INSR: variants seen among roughly 807,000 people sequenced by gnomAD.
INSR encodes the protein IR.
Under a neutral mutation model 142.6 loss-of-function variants are expected in INSR, and 67 were observed. The observed-to-expected ratio is 0.47, with a 90% CI of 0.39 to 0.58. The LOEUF is 0.58. INSR is among the 20% of genes least tolerant of loss of function. The pLI is 0.00. For missense variants in INSR, 1,248 were observed against 1,833.2 expected (o/e 0.68, Z 5.83); for synonymous variants, 756 against 743.1 (o/e 1.02, Z -0.28).
intron 2 of INSR, among the ~76,000 whole-genome samples, chr19:7,206,844 T>C (rs1975118011): frequency 6.6e-6 from 1 of 152,046 alleles, no homozygotes; most frequent in Admixed American, 6.6e-5. Context: ...AGCCCAAATA[T>C]CACGTTGTCA....
chr19:7,249,492 G>A (rs1038493174), intron 2 of INSR, among the ~76,000 whole-genome samples: 11 of 152,124 alleles, frequency 7.2e-5, no homozygotes, highest in African/African-American at 1.4e-4. Context: ...CCGCAGAACC[G>A]AATTCCCAGA....
chr19:7,279,144 T>A (rs180973536), intron 1 of INSR, among the ~76,000 whole-genome samples: 41 of 150,212 alleles, frequency 2.7e-4, no homozygotes, highest in East Asian at 2.6e-3. Context: ...AGAAAAGAAA[T>A]AAAATAAAAT....
Position 7,157,601 on chromosome 19 carries a change from C to T in INSR, c.2030-4674G>A, listed in dbSNP as rs1973630144. On this transcript the variant is annotated intron_variant, in intron 9 of 21. Coordinates refer to ENST00000302850, the MANE Select transcript of INSR (RefSeq NM_000208.4). ...TACCGCAGCTGGTCATGTCTTAAGC[C>T]CCGAAGTCAAATCCCAGGGTTCTTG... Among the ~76,000 whole-genome samples the T allele has an allele frequency of 1.3e-5, 2 of 151,914 alleles. 1 individual carries two copies. Among genetic ancestry groups the T allele is most frequent in the South Asian group, 4.2e-4 (2 of 4,818 alleles).
chr19:7,153,464 CA>C (rs1428229191), intron 9 of INSR, among the ~76,000 whole-genome samples: 5 of 21,118 alleles, frequency 2.4e-4, no homozygotes, highest in African/African-American at 3.4e-4. Flanking sequence ...CCACGCCACA[CA>C]CCACACACAC....
At chr19:7,167,183 A>G (rs1973907858) in intron 7 of INSR, among the ~76,000 whole-genome samples, 1 of 152,214 alleles carries the variant, frequency 6.6e-6, no homozygotes, top group Non-Finnish European at 1.5e-5. Flanking sequence ...CTGTAATAAT[A>G]GTAATAGCAG....
chr19:7,166,521 T>C lies in INSR; in HGVS notation c.1611-117A>G. 8.9e-7 allele frequency: 1 copy of C among 1,124,650 alleles called. No individual in the cohort carries two copies. The highest frequency in any genetic ancestry group is 1.3e-6 in the Non-Finnish European group (1 of 769,846). The allele number at this position is 1,124,650 out of a possible 1,614,324, so 69.7% of individuals were successfully genotyped here. ...GGGTCACATGTTACTCACCCAACAA[T>C]CTAATGCCACAAGAAAAAATAACTC... On this transcript the variant is annotated intron_variant, in intron 7 of 21. Transcript: ENST00000302850. This position sits in a 1 kb window ranked among gnomAD's most constrained non-coding sequence, Gnocchi z 4.1.
At chr19:7,147,094 C>T (rs1276802548) in intron 11 of INSR, among the ~76,000 whole-genome samples, 2 of 152,132 alleles carry the variant, frequency 1.3e-5, no homozygotes, top group Non-Finnish European at 2.9e-5. Flanking sequence ...GTGATATTCA[C>T]ATTTTCATTA....
chr19:7,231,417 C>T (rs968867767), intron 2 of INSR, among the ~76,000 whole-genome samples: 7 of 151,368 alleles, frequency 4.6e-5, no homozygotes, highest in African/African-American at 1.7e-4. Flanking sequence ...TGTCCTGCCT[C>T]AGCCTCCTGA....
intron 2 of INSR, among the ~76,000 whole-genome samples, chr19:7,197,540 T>TGTGTCAGGTTCCAGAGTGGGA (rs1974793497): frequency 7.2e-6 from 1 of 138,548 alleles, no homozygotes; most frequent in Non-Finnish European, 1.5e-5. Flanking sequence ...TGTGTGTGTG[T>TGTGTCAGGTTCCAGAGTGGGA]GTGTGTCAGG....
chr19:7,144,092 T>C (rs1399008099), intron 11 of INSR, among the ~76,000 whole-genome samples: 1 of 151,632 alleles, frequency 6.6e-6, no homozygotes, highest in Non-Finnish European at 1.5e-5. Flanking sequence ...AAATCACTCA[T>C]AAATCCACAG....
chr19:7,151,162 C>CTTTCTTTCTTTCTTTCTTTCTT (rs1359040007), intron 10 of INSR, among the ~76,000 whole-genome samples: 5 of 45,850 alleles, frequency 1.1e-4, no homozygotes, highest in African/African-American at 2.0e-4. Flanking sequence ...TTCTTTCTTT[C>CTTTCTTTCTTTCTTTCTTTCTT]TCTTTCTTTC....
rs762657994 is a variant in INSR at position 7,184,482 on chromosome 19, G to A, written c.808C>T (p.Pro270Ser). 2 of 1,614,020 alleles carry A rather than the reference G, an allele frequency of 1.2e-6. No homozygotes were observed. The highest frequency in any genetic ancestry group is 1.1e-5 in the South Asian group (1 of 91,086). ...CAGTCCTGGAAGTGGTAGTACGGGG[G>A]CGGGCAGGTCTCCACACACCTGCCG... ...LDGRCVETCP[P>S]PYYHFQDWRC... The change falls in exon 3 of 22, where the codon CCC becomes TCC. Residue 270 changes from proline (P) to serine (S), a missense_variant. By Grantham distance (74) the Pro-to-Ser change is moderately conservative (BLOSUM62 -1). Coordinates refer to ENST00000302850, the MANE Select transcript of INSR (RefSeq NM_000208.4).
chr19:7,270,250 C>T (rs753440482), intron 1 of INSR, among the ~76,000 whole-genome samples: 3 of 151,790 alleles, frequency 2.0e-5, no homozygotes, highest in Admixed American at 6.6e-5. Context: ...GCCTGGCTGG[C>T]ATCCTAATCT....
chr19:7,197,809 GGAGAGAGAGCGAGAGA>G (rs1974812079), intron 2 of INSR, among the ~76,000 whole-genome samples: 1 of 101,078 alleles, frequency 9.9e-6, no homozygotes, highest in South Asian at 3.7e-4. Flanking sequence ...TTCCAGAGTG[GGAGAGAGAGCGAGAGA>G]GAGAGAGAAC....
rs1374439810 is a variant in INSR at position 7,125,490 on chromosome 19, C to T, written c.3051G>A (p.Glu1017=). ...PCSVYVPDEW[E]VSREKITLLR... ...GGAGGGTGATCTTCTCTCGAGACAC[C>T]TCCCACTCGTCCGGCACGTACACAG... The change falls in exon 17 of 22, where the codon GAG becomes GAA. Residue 1017 remains glutamate (E), a synonymous_variant. Transcript: ENST00000302850. This position sits in a 1 kb window ranked among gnomAD's most constrained non-coding sequence, Gnocchi z 4.9. 1 of 1,614,062 alleles carries T rather than the reference C, an allele frequency of 6.2e-7. No homozygotes were observed. The highest frequency in any genetic ancestry group is 1.1e-5 in the South Asian group (1 of 91,086).
chr19:7,248,485 C>CAAAA (rs758091489), intron 2 of INSR, among the ~76,000 whole-genome samples: 9 of 35,390 alleles, frequency 2.5e-4, no homozygotes, highest in African/African-American at 7.2e-4. Context: ...GACCCCATCT[C>CAAAA]AAAAAAAAAA....
chr19:7,123,207 T>G, intron 17 of INSR: 1 of 540,466 alleles, frequency 1.9e-6, no homozygotes. Context: ...ATCTTGCTGT[T>G]ACCCAGGCTA....
chr19:7,145,039 A>G (rs762814076), intron 11 of INSR, among the ~76,000 whole-genome samples: 1 of 151,682 alleles, frequency 6.6e-6, no homozygotes, highest in Non-Finnish European at 1.5e-5. Flanking sequence ...GCGGATCTTT[A>G]TATTACTGAG....
At chr19:7,154,026 T>G (rs1012808762) in intron 9 of INSR, among the ~76,000 whole-genome samples, 1 of 151,922 alleles carries the variant, frequency 6.6e-6, no homozygotes, top group African/African-American at 2.4e-5. Context: ...CCAGGTGTAG[T>G]GGCGCATGCC....
Sources: gnomAD v4.1 joint callset for allele counts (sites outside exome capture counted in the v4.1 genomes callset) on GRCh38, gnomAD v4.1.1 for gene constraint, Gnocchi (gnomAD v3.1) non-coding constraint, MANE v1.5 for transcripts, NCBI Gene and HGNC (gene_info 2026-07-23, HGNC 2026-07-21) for gene names.